Variants in PTPRJ observed in about 807,000 individuals in gnomAD.
The protein encoded by PTPRJ is protein tyrosine phosphatase receptor type J.
PTPRJ carries 129 observed loss-of-function variants against 141.3 expected under a neutral mutation model. That is an observed-to-expected ratio of 0.91 (90% CI 0.79 to 1.06). The LOEUF (loss-of-function observed/expected upper bound fraction) is 1.06. Ranked by LOEUF, PTPRJ falls within the 50% of genes least tolerant of loss-of-function variation. PTPRJ has a pLI of 0.00. For synonymous variants in PTPRJ, 610 were observed against 640.5 expected (o/e 0.95, Z 0.72); for missense variants, 1,601 against 1,679.7 (o/e 0.95, Z 0.82).
chr11:48,147,952 T>G (rs1857389960), intron 15 of PTPRJ, among the ~76,000 whole-genome samples: 1 of 152,152 alleles, frequency 6.6e-6, no homozygotes, highest in African/African-American at 2.4e-5. Flanking sequence ...TTCAAGTGAT[T>G]CTGCTGCCTC....
In PTPRJ at chr11:48,164,375, C is replaced by T. The variant is rs754816393; in HGVS notation, c.3720-5C>T. 6 of 1,612,826 alleles carry T rather than the reference C, an allele frequency of 3.7e-6. No homozygotes were observed. The highest frequency in any genetic ancestry group is 3.4e-5 in the Admixed American group (2 of 59,680). ...TGTAATAGGCTTATTTCTCTTTTCT[C>T]TCAGTGCTGGGGTCGGAAGGACGGG... On this transcript the variant is annotated splice_polypyrimidine_tract_variant and splice_region_variant and intron_variant, in intron 23 of 24. Transcript: ENST00000418331.
intron 5 of PTPRJ, among the ~76,000 whole-genome samples, chr11:48,124,743 A>G (rs1440731586): frequency 6.6e-6 from 1 of 152,252 alleles, no homozygotes; most frequent in Non-Finnish European, 1.5e-5. Context: ...GAGAAGCACC[A>G]GATATCTGTG....
At chr11:48,039,544 T>C (rs1854221485) in intron 1 of PTPRJ, among the ~76,000 whole-genome samples, 2 of 152,098 alleles carry the variant, frequency 1.3e-5, no homozygotes, top group African/African-American at 4.8e-5. Context: ...GGTGTGTGTG[T>C]ATGCACGTGT....
chr11:47,982,256 G>A (rs1270966684), intron 1 of PTPRJ, among the ~76,000 whole-genome samples: 1 of 152,202 alleles, frequency 6.6e-6, no homozygotes, highest in Non-Finnish European at 1.5e-5. Flanking sequence ...AGAGAACCTG[G>A]GAGTAGATGT....
In PTPRJ at chr11:48,123,826, C is replaced by G. The variant is rs1390771374; in HGVS notation, c.830C>G (p.Ser277Ter). 2 of 1,614,070 alleles carry G rather than the reference C, an allele frequency of 1.2e-6. No individual in the cohort carries two copies. The highest frequency in any genetic ancestry group is 1.7e-6 in the Non-Finnish European group (2 of 1,179,970). The change falls in exon 5 of 25, where the codon TCA (serine) becomes TGA (stop). Residue 277 changes from serine to a stop codon, truncating the protein, a stop_gained. Coordinates refer to ENST00000418331, the MANE Select transcript of PTPRJ (RefSeq NM_002843.4). LOFTEE classifies it high-confidence loss of function. ...QYNINPYLLQ[S>*]NKTKGDPLGT... ...AACATCAACCCGTATCTTCTACAAT[C>G]AAATAAGACAAAGGGAGACCCCTTG...
intron 1 of PTPRJ, among the ~76,000 whole-genome samples, chr11:48,076,795 A>G (rs1855417062): frequency 6.6e-6 from 1 of 152,122 alleles, no homozygotes; most frequent in African/African-American, 2.4e-5. Flanking sequence ...CAAAAAAAAA[A>G]AAAAAGATGT....
chr11:48,033,383 G>A (rs1182449982), intron 1 of PTPRJ, among the ~76,000 whole-genome samples: 2 of 152,124 alleles, frequency 1.3e-5, no homozygotes, highest in East Asian at 3.8e-4. Context: ...GGGAGGACAT[G>A]AAGGCTGGAA....
chr11:48,062,538 C>T (rs1270763415), intron 1 of PTPRJ, among the ~76,000 whole-genome samples: 1 of 151,964 alleles, frequency 6.6e-6, no homozygotes, highest in Non-Finnish European at 1.5e-5. Context: ...AAAAACAGTG[C>T]TTGTTGTTCT....
chr11:48,045,078 G>A lies in PTPRJ; in HGVS notation c.96+64070G>A, dbSNP rs952649264. 4.6e-5 allele frequency among the ~76,000 whole-genome samples: 7 copies of A among 152,242 alleles called. No homozygotes were observed. The South Asian group carries it at 1.2e-3, about 27-fold the overall frequency. On this transcript the variant is annotated intron_variant, in intron 1 of 24. Coordinates refer to ENST00000418331, the MANE Select transcript of PTPRJ (RefSeq NM_002843.4). ...ACCCATTCAGTTCCTCTTTTCCCCC[G>A]TAATTATGGGATTTGGGATTGCCCT...
At chr11:48,071,381 A>C (rs763183304) in intron 1 of PTPRJ, among the ~76,000 whole-genome samples, 21 of 151,728 alleles carry the variant, frequency 1.4e-4, no homozygotes, top group Non-Finnish European at 2.6e-4. Context: ...CAGTGGCGCT[A>C]TCTTGGCTCA....
At chr11:48,003,878 T>G (rs1477782186) in intron 1 of PTPRJ, among the ~76,000 whole-genome samples, 1 of 152,236 alleles carries the variant, frequency 6.6e-6, no homozygotes. Context: ...TTTGTCCGTG[T>G]GTGAGACTCA....
chr11:48,158,237 T>A lies in PTPRJ; in HGVS notation c.3439-1693T>A, dbSNP rs1018447191. ...GGGCCTTATACATGAAACATTCTTA[T>A]AAATCTATCTGTTAGACAAACAAAA... On this transcript the variant is annotated intron_variant, in intron 21 of 24. Coordinates refer to ENST00000418331, the MANE Select transcript of PTPRJ (RefSeq NM_002843.4). The surrounding 1 kb of genome is among the most constrained non-coding windows in gnomAD (Gnocchi z 4.4). Among the ~76,000 whole-genome samples, 9 of 152,226 alleles carry A rather than the reference T, an allele frequency of 5.9e-5. No homozygotes were observed. The highest frequency in any genetic ancestry group is 2.2e-4 in the African/African-American group (9 of 41,450).
At chr11:48,122,089 A>G (rs1294740226) in intron 4 of PTPRJ, among the ~76,000 whole-genome samples, 1 of 152,194 alleles carries the variant, frequency 6.6e-6, no homozygotes, top group Non-Finnish European at 1.5e-5. Context: ...CAGGAGCCCA[A>G]AAAGTAAAAA....
At chr11:48,074,976 G>GT (rs1278039779) in intron 1 of PTPRJ, among the ~76,000 whole-genome samples, 4 of 152,086 alleles carry the variant, frequency 2.6e-5, no homozygotes, top group African/African-American at 9.7e-5. Flanking sequence ...GCTGTCAGTC[G>GT]TTTGGCCAGG....
chr11:47,991,968 T>TA (rs1466478086), intron 1 of PTPRJ, among the ~76,000 whole-genome samples: 1 of 152,170 alleles, frequency 6.6e-6, no homozygotes, highest in Non-Finnish European at 1.5e-5. Flanking sequence ...ATTCAAAAAT[T>TA]AAATTTTTTT....
intron 3 of PTPRJ, among the ~76,000 whole-genome samples, chr11:48,117,540 C>CAAAAAAAAAAAAAAAAAAAAAA (rs71045545): frequency 5.1e-5 from 1 of 19,696 alleles, no homozygotes; most frequent in African/African-American, 2.4e-4. Context: ...GATTCTGTCT[C>CAAAAAAAAAAAAAAAAAAAAAA]AAAAAAAAAA....
At chr11:48,140,170 G>C (rs1161265246) in intron 11 of PTPRJ, among the ~76,000 whole-genome samples, 1 of 152,152 alleles carries the variant, frequency 6.6e-6, no homozygotes. Context: ...GAGTAGCTGG[G>C]ACTACAGACA....
intron 21 of PTPRJ, among the ~76,000 whole-genome samples, chr11:48,157,588 C>T (rs1204350847): frequency 6.6e-6 from 1 of 152,198 alleles, no homozygotes; most frequent in Non-Finnish European, 1.5e-5. Flanking sequence ...CCAGGGTGCA[C>T]ACTTGGAGTG....
chr11:48,042,743 T>C (rs747706306), intron 1 of PTPRJ, among the ~76,000 whole-genome samples: 3 of 148,888 alleles, frequency 2.0e-5, no homozygotes, highest in Non-Finnish European at 4.4e-5. Flanking sequence ...TTCTTTTGCC[T>C]GTGTGTGTGT....
Sources: gnomAD v4.1 joint callset for allele counts (sites outside exome capture counted in the v4.1 genomes callset) on GRCh38, gnomAD v4.1.1 for gene constraint, Gnocchi (gnomAD v3.1) non-coding constraint, MANE v1.5 for transcripts, NCBI Gene and HGNC (gene_info 2026-07-23, HGNC 2026-07-21) for gene names.